The following DSE variants were observed in gnomAD, a reference collection of about 807,000 sequenced individuals.
DSE encodes dermatan sulfate epimerase.
DSE carries 36 observed loss-of-function variants against 84.4 expected under a neutral mutation model. That is an observed-to-expected ratio of 0.43 (90% CI 0.33 to 0.56). The LOEUF (loss-of-function observed/expected upper bound fraction) is 0.56. DSE is among the 20% of genes least tolerant of loss of function. The pLI, the probability that DSE is intolerant of heterozygous loss-of-function variation, is 0.06. For missense variants in DSE, 862 were observed against 1,169.6 expected (o/e 0.74, Z 3.84); for synonymous variants, 410 against 430.1 (o/e 0.95, Z 0.58).
chr6:116,299,490 T>A (rs1774861461), intron 2 of DSE, among the ~76,000 whole-genome samples: 1 of 135,284 alleles, frequency 7.4e-6, no homozygotes, highest in Admixed American at 7.7e-5. Context: ...CCTGAAAGGC[T>A]TCTTGAATTA....
At chr6:116,344,670 A>G (rs1263310668) in intron 2 of DSE, among the ~76,000 whole-genome samples, 2 of 151,474 alleles carry the variant, frequency 1.3e-5, no homozygotes, top group African/African-American at 4.8e-5. Context: ...TATCAGCCAC[A>G]TGCCAAATTG....
At chr6:116,329,969 G>A (rs1037292550) in intron 2 of DSE, among the ~76,000 whole-genome samples, 17 of 152,190 alleles carry the variant, frequency 1.1e-4, no homozygotes, top group Non-Finnish European at 4.4e-5. Context: ...GATTACAGGC[G>A]CCTACCATCA....
rs745356667 is a variant in DSE, at chr6:116,275,336, C to T, written c.-54+16369C>T. On this transcript the variant is annotated intron_variant, in intron 2 of 3. Transcript: ENST00000430252. ...AGATTTAATGTTGAAAGTGTTTAGA[C>T]GTTTTCTAATGACTAAAAGGGGAAA... 1.2e-4 allele frequency among the ~76,000 whole-genome samples: 19 copies of T among 152,318 alleles called. 1 individual carries two copies. The East Asian group carries it at 2.1e-3, about 17-fold the overall frequency.
In DSE at chr6:116,435,802, A is replaced by G. The variant is rs1423707879; in HGVS notation, c.1334A>G (p.Asn445Ser). 3 of 1,614,108 alleles carry G rather than the reference A, an allele frequency of 1.9e-6. No individual in the cohort carries two copies. Among genetic ancestry groups the G allele is most frequent in the Non-Finnish European group, 8.5e-7 (1 of 1,179,990 alleles). The change falls in exon 6 of 6, where the codon AAT (asparagine) becomes AGT (serine). Residue 445 changes from asparagine (N) to serine (S), a missense_variant. Asn to Ser is a conservative substitution (Grantham distance 46, BLOSUM62 1). Transcript: ENST00000644252. Reference sequence around the variant, plus strand: ...AAAGATTGGATCAAAGGATGGAGAAATTTTAATGCAGGGCATGAACATCCT... The same window carrying G: ...AAAGATTGGATCAAAGGATGGAGAAGTTTTAATGCAGGGCATGAACATCCT... ...KYKDWIKGWR[N>S]FNAGHEHPDQ... is the part of the protein sequence containing the mutation.
chr6:116,432,051 G>T (rs1583229852), intron 4 of DSE, among the ~76,000 whole-genome samples: 1 of 152,136 alleles, frequency 6.6e-6, no homozygotes, highest in African/African-American at 2.4e-5. Context: ...CAAAAATATT[G>T]CAGAGCATAA....
chr6:116,279,210 C>T (rs1562198139), intron 2 of DSE: 13 of 1,610,166 alleles, frequency 8.1e-6, no homozygotes, highest in Non-Finnish European at 1.1e-5. Flanking sequence ...CCAATCTATC[C>T]TCCTCCGCCA....
At chr6:116,379,575 G>T (rs1186627624) in intron 1 of DSE, among the ~76,000 whole-genome samples, 1 of 152,104 alleles carries the variant, frequency 6.6e-6, no homozygotes, top group Non-Finnish European at 1.5e-5. Context: ...TGTTATGCAA[G>T]TTCAGTTTAT....
intron 2 of DSE, among the ~76,000 whole-genome samples, chr6:116,408,077 A>G (rs1583187862): frequency 6.6e-6 from 1 of 152,254 alleles, no homozygotes; most frequent in South Asian, 2.1e-4. Flanking sequence ...CCACCATTAC[A>G]TGTTCTCTAG....
At position 116,273,287 on chromosome 6, in the gene DSE, T is replaced by C. The variant is rs1261818339; in HGVS notation, c.-54+14320T>C. Among the ~76,000 whole-genome samples, 4 of 152,268 alleles carry C rather than the reference T, an allele frequency of 2.6e-5. No homozygotes were observed. In the East Asian group the frequency reaches 7.7e-4, roughly 29 times the overall value. ...TTCCTTTTACCTGTTCTCAAAGAAA[T>C]TACCTTAAATACAAATCCTAAAAAA... On this transcript the variant is annotated intron_variant, in intron 2 of 3. Transcript: ENST00000430252.
At chr6:116,286,706 G>A (rs1237292654) in intron 2 of DSE, among the ~76,000 whole-genome samples, 1 of 152,110 alleles carries the variant, frequency 6.6e-6, no homozygotes, top group Non-Finnish European at 1.5e-5. Context: ...AAATAGCAAA[G>A]TGATTAGAAA....
At chr6:116,364,684 TAGAA>T (rs143725875) in intron 2 of DSE, among the ~76,000 whole-genome samples, 3,384 of 152,314 alleles carry the variant, frequency 0.022, 131 homozygotes, top group African/African-American at 0.078. Context: ...CAAAAGTATT[TAGAA>T]AGAAATACAT....
At chr6:116,306,687 G>A (rs1344067725) in intron 2 of DSE, among the ~76,000 whole-genome samples, 2 of 152,118 alleles carry the variant, frequency 1.3e-5, no homozygotes, top group African/African-American at 4.8e-5. Flanking sequence ...ACTGAATGTT[G>A]TGTTCCCCCA....
At chr6:116,421,214 T>C (rs6934342) in intron 2 of DSE, among the ~76,000 whole-genome samples, 105,066 of 151,562 alleles carry the variant, frequency 0.69, 36,865 homozygotes, top group Admixed American at 0.74. Flanking sequence ...ATATTCAAAG[T>C]ATCAGTTTTT....
At chr6:116,310,170 G>A (rs1775603124) in intron 2 of DSE, among the ~76,000 whole-genome samples, 1 of 152,084 alleles carries the variant, frequency 6.6e-6, no homozygotes, top group African/African-American at 2.4e-5. Context: ...TGACTTGTAG[G>A]TAACTTTGGA....
intron 2 of DSE, among the ~76,000 whole-genome samples, chr6:116,326,359 C>G (rs1413783277): frequency 1.3e-5 from 2 of 151,948 alleles, no homozygotes; most frequent in Non-Finnish European, 2.9e-5. Flanking sequence ...CCCCACCCCC[C>G]ACCAAAAAAC....
chr6:116,389,955 TA>T (rs1205878694), intron 1 of DSE, among the ~76,000 whole-genome samples: 7 of 150,250 alleles, frequency 4.7e-5, no homozygotes, highest in South Asian at 4.2e-4. Context: ...TACAGTTTTT[TA>T]AAAAAAAAAA....
At chr6:116,295,504 T>C (rs944395067) in intron 2 of DSE, among the ~76,000 whole-genome samples, 47 of 152,188 alleles carry the variant, frequency 3.1e-4, no homozygotes, top group Non-Finnish European at 1.3e-4. Flanking sequence ...CCAACAACTA[T>C]ACTAGCCCAC....
intron 1 of DSE, among the ~76,000 whole-genome samples, chr6:116,398,092 A>G (rs1781369573): frequency 1.3e-5 from 2 of 152,142 alleles, no homozygotes; most frequent in Admixed American, 1.3e-4. Context: ...ATTGAAAACC[A>G]CTGTTCGTTA....
At chr6:116,359,608 T>C (rs1355947361) in intron 2 of DSE, among the ~76,000 whole-genome samples, 3 of 152,236 alleles carry the variant, frequency 2.0e-5, no homozygotes, top group Non-Finnish European at 4.4e-5. Flanking sequence ...CGACAGCTGA[T>C]AGATCAGGGA....
Sources: allele counts gnomAD v4.1 joint callset (sites outside exome capture counted in the v4.1 genomes callset), GRCh38; gene constraint gnomAD v4.1.1; transcripts MANE v1.5; gene names NCBI Gene and HGNC (gene_info 2026-07-23, HGNC 2026-07-21).